Variants in PTK2B observed in about 807,000 individuals in gnomAD.
PTK2B encodes the protein protein tyrosine kinase 2 beta.
In PTK2B, 71 loss-of-function variants were observed where a neutral mutation model predicts 142.9. That is an observed-to-expected ratio of 0.50 (90% CI 0.41 to 0.61). The LOEUF (loss-of-function observed/expected upper bound fraction) is 0.61, where lower values mean the gene tolerates loss of function less well. Among genes scored for constraint, PTK2B ranks in the 20% least tolerant of loss-of-function variants. PTK2B has a pLI of 0.00. For synonymous variants in PTK2B, 519 were observed against 503.4 expected (o/e 1.03, Z -0.42); for missense variants, 1,105 against 1,320.4 (o/e 0.84, Z 2.53).
At chr8:27,311,279 C>T (rs752453388), upstream of PTK2B, 29 of 1,450,616 alleles carry the variant, frequency 2.0e-5, no homozygotes, top group African/African-American at 7.2e-5. Flanking sequence ...TTGCTCCGGC[C>T]CCTCCCACCC....
intron 1 of PTK2B, among the ~76,000 whole-genome samples, chr8:27,351,115 G>A (rs1162906720): frequency 7.0e-6 from 1 of 142,158 alleles, no homozygotes; most frequent in African/African-American, 2.7e-5. Context: ...AAGGTGGGAG[G>A]ATCACTTGAG....
chr8:27,437,574 T>C, intron 17 of PTK2B, 78 bp downstream of exon 17: 3 of 1,316,838 alleles, frequency 2.3e-6, no homozygotes, highest in Non-Finnish European at 3.2e-6. Flanking sequence ...CCTCCCAGCT[T>C]CCTGACTTCT....
chr8:27,326,297 G>A (rs930890518), intron 1 of PTK2B, among the ~76,000 whole-genome samples: 4 of 151,724 alleles, frequency 2.6e-5, no homozygotes, highest in South Asian at 4.2e-4. Flanking sequence ...TTGAGAAGCC[G>A]CCTCCTGAGT....
chr8:27,441,158 C>T (rs1486274033), intron 21 of PTK2B, among the ~76,000 whole-genome samples: 4 of 152,180 alleles, frequency 2.6e-5, no homozygotes, highest in Non-Finnish European at 4.4e-5. Flanking sequence ...ACTGCTAACT[C>T]TCTTAGCTCA....
upstream of PTK2B, chr8:27,310,925 T>C: frequency 1.9e-6 from 3 of 1,612,556 alleles, no homozygotes; most frequent in African/African-American, 1.3e-5. Flanking sequence ...CTGTCCGCGG[T>C]GCAGGCGGCA....
In PTK2B at chr8:27,379,590, G is replaced by A. The variant is rs559048019; in HGVS notation, c.-37-17958G>A. ...GTACAACTCAGCTGTAACCATAGGAGCACATTTCCATAGATAATTTGCATA... is the reference window on the plus strand; with the variant it reads ...GTACAACTCAGCTGTAACCATAGGAACACATTTCCATAGATAATTTGCATA... On this transcript the variant is annotated intron_variant, in intron 1 of 30. Transcript: ENST00000346049. Among the ~76,000 whole-genome samples the A allele has an allele frequency of 5.9e-5, 9 of 152,270 alleles. 1 individual carries two copies. In the South Asian group the frequency reaches 1.7e-3, roughly 28 times the overall value.
At chr8:27,322,127 A>T (rs1257577771), upstream of PTK2B, among the ~76,000 whole-genome samples, 1 of 152,136 alleles carries the variant, frequency 6.6e-6, no homozygotes, top group Non-Finnish European at 1.5e-5. Flanking sequence ...AGGAGCTGGG[A>T]CTACAGGCAT....
At chr8:27,388,330 A>C (rs941223622) in intron 1 of PTK2B, among the ~76,000 whole-genome samples, 1 of 152,220 alleles carries the variant, frequency 6.6e-6, no homozygotes, top group African/African-American at 2.4e-5. Context: ...GAAGAGGAGA[A>C]GTTGGAGGAT....
intron 9 of PTK2B, 62 bp from the exon 10 acceptor site, chr8:27,432,198 C>T: frequency 6.6e-7 from 1 of 1,505,266 alleles, no homozygotes; most frequent in African/African-American, 1.4e-5. Flanking sequence ...CCATACTGAC[C>T]AATCTGCATG....
chr8:27,442,252 G>A (rs1811198339), intron 21 of PTK2B, among the ~76,000 whole-genome samples: 1 of 152,158 alleles, frequency 6.6e-6, no homozygotes, highest in Non-Finnish European at 1.5e-5. Flanking sequence ...AGTATCAAGT[G>A]TCACATATTC....
At chr8:27,371,097 T>C (rs1373269015) in intron 1 of PTK2B, among the ~76,000 whole-genome samples, 10 of 152,158 alleles carry the variant, frequency 6.6e-5, no homozygotes, top group Admixed American at 6.5e-4. Flanking sequence ...GGTTTTGCTA[T>C]GTTGGCCAGT....
intron 4 of PTK2B, 26 bp downstream of exon 4, chr8:27,420,770 C>T (rs1203633980): frequency 1.9e-6 from 3 of 1,574,314 alleles, no homozygotes; most frequent in Admixed American, 3.3e-5. Context: ...TCTTCTTGCC[C>T]CGAGGCTCCC....
At chr8:27,416,694 A>G (rs906967297) in intron 2 of PTK2B, among the ~76,000 whole-genome samples, 10 of 152,218 alleles carry the variant, frequency 6.6e-5, no homozygotes, top group Non-Finnish European at 1.3e-4. Flanking sequence ...ACCTGGAGAA[A>G]ATATTCATAA....
In PTK2B at chr8:27,458,524, C is replaced by T; in HGVS notation, c.*15C>T. ...CTGCAGAGTGACGGAGGGTGGGGGC[C>T]ACCTGCCTGCGTCTTCCGCCCCTGC... is the stretch of plus-strand genomic sequence containing the variant. On this transcript the variant is annotated 3_prime_UTR_variant, in exon 31 of 31. Coordinates refer to ENST00000346049, the MANE Select transcript of PTK2B (RefSeq NM_173176.3). The T allele has an allele frequency of 6.4e-7, 1 of 1,553,054 alleles. No homozygotes were observed. The highest frequency in any genetic ancestry group is 8.7e-7 in the Non-Finnish European group (1 of 1,149,082).
intron 2 of PTK2B, among the ~76,000 whole-genome samples, chr8:27,403,470 T>G (rs1012811960): frequency 6.6e-6 from 1 of 152,254 alleles, no homozygotes; most frequent in Admixed American, 6.5e-5. Context: ...CGCTGGCCCC[T>G]GTGCCTAGGA....
chr8:27,444,015 TACCTTCC>T (rs1811317765), intron 22 of PTK2B, among the ~76,000 whole-genome samples, 184 bp from the exon 23 acceptor site: 1 of 152,246 alleles, frequency 6.6e-6, no homozygotes, highest in African/African-American at 2.4e-5. Context: ...GGCTTCTTTG[TACCTTCC>T]ACCACTCAGT....
At chr8:27,379,122 C>T (rs1030443068) in intron 1 of PTK2B, among the ~76,000 whole-genome samples, 1 of 152,152 alleles carries the variant, frequency 6.6e-6, no homozygotes, top group Non-Finnish European at 1.5e-5. Flanking sequence ...GCAGGCTTCT[C>T]ATTCTTTTCA....
At position 27,335,363 on chromosome 8, in the gene PTK2B, C is replaced by T. The variant is rs549694299; in HGVS notation, c.-38+9682C>T. ...ATCCCAGCACTCTGGGAGGCCAAGG[C>T]GGGCAGATCACCTGAAGTTGGGAGT... On this transcript the variant is annotated intron_variant, in intron 1 of 30. Coordinates refer to ENST00000346049, the MANE Select transcript of PTK2B (RefSeq NM_173176.3). Among the ~76,000 whole-genome samples the T allele has an allele frequency of 2.0e-4, 31 of 152,264 alleles. No individual in the cohort carries two copies. The East Asian group carries it at 4.3e-3, about 21-fold the overall frequency.
At chr8:27,314,106 A>G (rs1415083209) in intron 3 of PTK2B, among the ~76,000 whole-genome samples, 1 of 152,184 alleles carries the variant, frequency 6.6e-6, no homozygotes, top group African/African-American at 2.4e-5. Flanking sequence ...AGAAAAATCT[A>G]GACAGACAGG....
Sources: gnomAD v4.1 joint callset for allele counts (sites outside exome capture counted in the v4.1 genomes callset) on GRCh38, gnomAD v4.1.1 for gene constraint, MANE v1.5 for transcripts, NCBI Gene and HGNC (gene_info 2026-07-23, HGNC 2026-07-21) for gene names.